HERC2: variants seen among roughly 807,000 people sequenced by gnomAD.
The protein encoded by HERC2 is HECT and RLD domain containing E3 ubiquitin protein ligase 2, also known as E3 ubiquitin-protein ligase HERC2.
Under a neutral mutation model 537.7 loss-of-function variants are expected in HERC2, and 102 were observed. The observed-to-expected ratio is 0.19, with a 90% CI of 0.16 to 0.22. The LOEUF (loss-of-function observed/expected upper bound fraction) is 0.22. HERC2 is among the 10% of genes least tolerant of loss of function. HERC2 has a pLI of 1.00. For missense variants in HERC2, 4,236 were observed against 6,198.2 expected (o/e 0.68, Z 10.63); for synonymous variants, 2,224 against 2,466.2 (o/e 0.90, Z 2.91).
At position 28,177,195 on chromosome 15, in the gene HERC2, A is replaced by G; in HGVS notation, c.9255-68T>C. On this transcript the variant is annotated intron_variant, in intron 60 of 92. Coordinates refer to ENST00000261609, the MANE Select transcript of HERC2 (RefSeq NM_004667.6). This position sits in a 1 kb window ranked among gnomAD's most constrained non-coding sequence, Gnocchi z 5.0. ...TTCTTAGAGATGAAGGAAAAAAGAC[A>G]TCTATACTGATCCACATGTAGTCAA... 30 of 1,454,470 alleles carry G rather than the reference A, an allele frequency of 2.1e-5. No individual in the cohort carries two copies. Among genetic ancestry groups the G allele is most frequent in the Non-Finnish European group, 2.8e-5 (30 of 1,064,088 alleles). The allele number at this position is 1,454,470 out of a possible 1,614,324, so 90.1% of individuals were successfully genotyped here. A position where few individuals can be genotyped will look rare whatever the true frequency, so the allele number is the denominator to read the frequency against.
At position 28,233,447 on chromosome 15, in the gene HERC2, C is replaced by T. The variant is rs766647236; in HGVS notation, c.4466G>A (p.Cys1489Tyr). ...AAAATCTATCACCTTAATGAGCGAA[C>T]ATTTTGCTTGGTAGACAACTCTACA... ...DVCRVVYQAK[C>Y]SLIKTHQEQG... Residue 1489 changes from cysteine (C) to tyrosine (Y), a missense_variant, in exon 29 of 93, where the codon TGT (cysteine) becomes TAT (tyrosine). Physicochemically the swap from Cys to Tyr is radical, Grantham distance 194 (BLOSUM62 -2). Coordinates refer to ENST00000261609, the MANE Select transcript of HERC2 (RefSeq NM_004667.6). The T allele has an allele frequency of 7.2e-7, 1 of 1,391,570 alleles. No individual in the cohort carries two copies. Among genetic ancestry groups the T allele is most frequent in the South Asian group, 1.2e-5 (1 of 86,340 alleles). 86.2% of individuals were successfully genotyped at this position (1,391,570 alleles called of 1,614,324 possible).
At chr15:28,238,844 A>T (rs1263891580) in intron 23 of HERC2, 72 bp from the exon 24 acceptor site, 5 of 1,103,400 alleles carry the variant, frequency 4.5e-6, no homozygotes, top group Non-Finnish European at 5.6e-6. Flanking sequence ...AACTGTGTGA[A>T]AGAACTACAA....
chr15:28,189,320 T>C (rs150756285), intron 55 of HERC2, among the ~76,000 whole-genome samples: 163 of 152,250 alleles, frequency 1.1e-3, no homozygotes, highest in African/African-American at 3.8e-3. Flanking sequence ...GGATTAAAGA[T>C]ATCTTTTACG....
chr15:28,228,141 A>G (rs1308314257), intron 35 of HERC2, 77 bp downstream of exon 35: 14 of 1,279,970 alleles, frequency 1.1e-5, no homozygotes, highest in South Asian at 9.7e-5. Flanking sequence ...AAAAAAAAAA[A>G]AAAGAAAAGA....
chr15:28,280,586 C>G (rs1375710469), intron 4 of HERC2, among the ~76,000 whole-genome samples: 3 of 152,068 alleles, frequency 2.0e-5, no homozygotes, highest in Admixed American at 1.3e-4. Context: ...CCATGGCACA[C>G]TGCCTCTCTC....
At chr15:28,278,260 G>A (rs1315684562) in intron 5 of HERC2, among the ~76,000 whole-genome samples, 2 of 152,054 alleles carry the variant, frequency 1.3e-5, no homozygotes, top group African/African-American at 4.8e-5. Context: ...GCACACGCCT[G>A]CAGTCCCAGC....
chr15:28,268,870 G>C lies in HERC2; in HGVS notation c.1447-254C>G, dbSNP rs1372825149. 3.3e-5 allele frequency among the ~76,000 whole-genome samples: 5 copies of C among 152,158 alleles called. No homozygotes were observed. The highest frequency in any genetic ancestry group is 7.3e-5 in the Non-Finnish European group (5 of 68,038). ...GGGCAGGCTAGCCCCATGCCACAGA[G>C]ACACGCAGCCGACAGGGAGGAACAC... On this transcript the variant is annotated intron_variant, in intron 11 of 92. Transcript: ENST00000261609. The surrounding 1 kb of genome is among the most constrained non-coding windows in gnomAD (Gnocchi z 4.7).
At chr15:28,281,395 T>C (rs1053373661) in intron 4 of HERC2, among the ~76,000 whole-genome samples, 2 of 152,118 alleles carry the variant, frequency 1.3e-5, no homozygotes, top group African/African-American at 4.8e-5. Flanking sequence ...GCTGGTCTCT[T>C]TTGTGCTTGC....
At chr15:28,169,332 C>T in intron 66 of HERC2, 152 bp downstream of exon 66, 1 of 545,852 alleles carries the variant, frequency 1.8e-6, no homozygotes, top group Non-Finnish European at 3.2e-6. Flanking sequence ...TATCACCAAT[C>T]ACCATCAAAG....
At chr15:28,183,569 A>G (rs2140206693) in intron 56 of HERC2, among the ~76,000 whole-genome samples, 1 of 152,326 alleles carries the variant, frequency 6.6e-6, no homozygotes, top group African/African-American at 2.4e-5. Context: ...ACTTGAAAAG[A>G]GTACACAGGA....
chr15:28,291,985 T>C (rs1360440375), intron 4 of HERC2, among the ~76,000 whole-genome samples: 1 of 148,966 alleles, frequency 6.7e-6, no homozygotes, highest in Non-Finnish European at 1.5e-5. Flanking sequence ...ACTAGCACTT[T>C]AGGAGGCCAA....
At chr15:28,170,742 T>A (rs1251642727) in intron 65 of HERC2, among the ~76,000 whole-genome samples, 2 of 151,134 alleles carry the variant, frequency 1.3e-5, no homozygotes, top group Admixed American at 6.6e-5. Context: ...AATATCTGCA[T>A]AACACACATC....
intron 16 of HERC2, among the ~76,000 whole-genome samples, chr15:28,257,783 C>G (rs1475861183): frequency 6.6e-6 from 1 of 151,714 alleles, no homozygotes; most frequent in Admixed American, 6.6e-5. Context: ...ACTCTGTCAC[C>G]CAGACTGGAG....
At position 28,111,646 on chromosome 15, in the gene HERC2, G is replaced by C. The variant is rs1022465286; in HGVS notation, c.*117C>G. 8 of 1,108,306 alleles carry C rather than the reference G, an allele frequency of 7.2e-6. No individual in the cohort carries two copies. The highest frequency in any genetic ancestry group is 1.0e-5 in the Non-Finnish European group (8 of 769,348). The allele number at this position is 1,108,306 out of a possible 1,614,324, so 68.7% of individuals were successfully genotyped here. A position where few individuals can be genotyped will look rare whatever the true frequency, so the allele number is the denominator to read the frequency against. On this transcript the variant is annotated 3_prime_UTR_variant, in exon 93 of 93. Transcript: ENST00000261609. ...GTCAGTCTCTCCACTCCCTCCTCCC[G>C]CCTGGCTCGAGGACGGACGCTTCTC...
Position 28,175,103 on chromosome 15 carries a change from G to A in HERC2, c.9831+409C>T, listed in dbSNP as rs185591866. Among the ~76,000 whole-genome samples, 168 of 151,848 alleles carry A rather than the reference G, an allele frequency of 1.1e-3. 1 individual carries two copies. Among genetic ancestry groups the A allele is most frequent in the East Asian group, 9.3e-3 (48 of 5,136 alleles). ...TGAATATCCATAAGCCAGTCATAGC[G>A]TATGCTTCTCCAAGCAGAAGAGAGT... On this transcript the variant is annotated intron_variant, in intron 64 of 92. Transcript: ENST00000261609.
intron 4 of HERC2, among the ~76,000 whole-genome samples, chr15:28,288,147 G>A (rs2076210494): frequency 2.0e-5 from 3 of 152,122 alleles, no homozygotes; most frequent in South Asian, 2.1e-4. Flanking sequence ...ATCTAGAAAC[G>A]GTAAAGGGAG....
At chr15:28,259,159 AT>A (rs2140916505) in intron 16 of HERC2, among the ~76,000 whole-genome samples, 1 of 152,276 alleles carries the variant, frequency 6.6e-6, no homozygotes, top group South Asian at 2.1e-4. Context: ...CAATGGCGCC[AT>A]CCCGGCTCAC....
At chr15:28,214,597 G>T (rs1596251430) in intron 40 of HERC2, 58 bp downstream of exon 40, 1 of 1,566,590 alleles carries the variant, frequency 6.4e-7, no homozygotes, top group East Asian at 2.3e-5. Flanking sequence ...CCACCCACCT[G>T]AGTGACGGCA....
At chr15:28,203,420 G>A (rs1898081654) in intron 45 of HERC2, 1 of 151,906 alleles carries the variant, frequency 6.6e-6, no homozygotes, top group African/African-American at 2.4e-5. Flanking sequence ...GAAGTGACAG[G>A]TTTCATTCTA....
Sources: allele counts gnomAD v4.1 joint callset (sites outside exome capture counted in the v4.1 genomes callset), GRCh38; gene constraint gnomAD v4.1.1; non-coding constraint Gnocchi (gnomAD v3.1); transcripts MANE v1.5; gene names NCBI Gene and HGNC (gene_info 2026-07-23, HGNC 2026-07-21).